KLHL29: variants seen among roughly 807,000 people sequenced by gnomAD.
KLHL29 encodes the protein kelch like family member 29.
Under a neutral mutation model 80.4 loss-of-function variants are expected in KLHL29, and 21 were observed. The observed-to-expected ratio is 0.26, with a 90% CI of 0.19 to 0.38. The LOEUF is 0.38. Among genes scored for constraint, KLHL29 ranks in the 10% least tolerant of loss-of-function variants. KLHL29 has a pLI of 1.00. For synonymous variants in KLHL29, 511 were observed against 526.8 expected (o/e 0.97, Z 0.41); for missense variants, 867 against 1,223.9 (o/e 0.71, Z 4.35).
chr2:23,513,435 G>T (rs138632984), intron 2 of KLHL29, among the ~76,000 whole-genome samples: 1 of 152,144 alleles, frequency 6.6e-6, no homozygotes, highest in Non-Finnish European at 1.5e-5. Context: ...TCTGAGCCAC[G>T]CCCTCTGTCA....
At chr2:23,670,824 GGCAGACCTGGTT>G (rs1490641514) in intron 5 of KLHL29, among the ~76,000 whole-genome samples, 2 of 151,778 alleles carry the variant, frequency 1.3e-5, no homozygotes, top group East Asian at 3.9e-4. Context: ...GAGAACCAGG[GGCAGACCTGGTT>G]CTTCCAGGGT....
At chr2:23,644,470 A>G (rs1458930608) in intron 5 of KLHL29, among the ~76,000 whole-genome samples, 3 of 152,200 alleles carry the variant, frequency 2.0e-5, no homozygotes, top group Non-Finnish European at 4.4e-5. Context: ...GCACGCATCT[A>G]GGAAAAGGAG....
At chr2:23,573,866 A>G (rs1667778330) in intron 3 of KLHL29, among the ~76,000 whole-genome samples, 1 of 152,092 alleles carries the variant, frequency 6.6e-6, no homozygotes, top group Non-Finnish European at 1.5e-5. Context: ...CCCAAGACAT[A>G]GTGCATGGCC....
intron 3 of KLHL29, among the ~76,000 whole-genome samples, chr2:23,581,129 A>G (rs1008070576): frequency 4.6e-5 from 7 of 152,154 alleles, no homozygotes; most frequent in African/African-American, 1.7e-4. Context: ...CCGAGAAAAT[A>G]AGGAGTGTAG....
chr2:23,426,957 A>C (rs1481037339), intron 1 of KLHL29, among the ~76,000 whole-genome samples: 1 of 152,224 alleles, frequency 6.6e-6, no homozygotes, highest in Non-Finnish European at 1.5e-5. Context: ...GCCTTTTCTT[A>C]TTCTAACCAG....
chr2:23,576,304 CAAAAAA>C (rs3086869), intron 3 of KLHL29, among the ~76,000 whole-genome samples: 84,447 of 131,506 alleles, frequency 0.64, 27,482 homozygotes, highest in East Asian at 0.76. Flanking sequence ...GACTCTATCT[CAAAAAA>C]AAAAAAAAAA....
At chr2:23,427,948 G>T (rs1338129534) in intron 1 of KLHL29, among the ~76,000 whole-genome samples, 1 of 152,152 alleles carries the variant, frequency 6.6e-6, no homozygotes, top group African/African-American at 2.4e-5. Context: ...TTATACCTGG[G>T]CGGCTCCCGT....
At position 23,703,791 on chromosome 2, in the gene KLHL29, C is replaced by T; in HGVS notation, c.2372C>T (p.Thr791Ile). The change falls in exon 13 of 14, where the codon ACC (threonine) becomes ATC (isoleucine). Residue 791 changes from threonine (T) to isoleucine (I), a missense_variant. Thr to Ile is a moderately conservative substitution (Grantham distance 89). Coordinates refer to ENST00000486442, the MANE Select transcript of KLHL29 (RefSeq NM_052920.2). ...CTGGGCGGGGCTTATGCCAGAGCTA[C>T]CACCATCTACGACCCTGAGAAAGGA... is the stretch of plus-strand genomic sequence containing the variant. ...FILGGAYARA[T>I]TIYDPEKGNI... 1 of 1,537,450 alleles carries T rather than the reference C, an allele frequency of 6.5e-7. No homozygotes were observed. Among genetic ancestry groups the T allele is most frequent in the South Asian group, 1.2e-5 (1 of 84,068 alleles).
intron 1 of KLHL29, among the ~76,000 whole-genome samples, chr2:23,423,381 C>G (rs897939941): frequency 6.6e-6 from 1 of 152,226 alleles, no homozygotes; most frequent in African/African-American, 2.4e-5. Flanking sequence ...GAAGGGGTCC[C>G]TTCCGCCCTG....
chr2:23,453,690 G>A (rs1023199295), intron 1 of KLHL29, among the ~76,000 whole-genome samples: 13 of 152,140 alleles, frequency 8.5e-5, no homozygotes, highest in African/African-American at 2.4e-4. Flanking sequence ...AGAGAAACAC[G>A]ATTTATTATC....
chr2:23,534,118 G>T (rs756979266), intron 2 of KLHL29, among the ~76,000 whole-genome samples: 1 of 152,066 alleles, frequency 6.6e-6, no homozygotes, highest in Non-Finnish European at 1.5e-5. Context: ...CTGACATCCC[G>T]CTGAGCAGCA....
At chr2:23,422,961 C>A (rs1238321933) in intron 1 of KLHL29, among the ~76,000 whole-genome samples, 2 of 152,240 alleles carry the variant, frequency 1.3e-5, no homozygotes, top group African/African-American at 2.4e-5. Flanking sequence ...TGCCAGCAAG[C>A]CATTTATGCC....
chr2:23,571,756 G>A (rs907512738), intron 3 of KLHL29, among the ~76,000 whole-genome samples: 2 of 152,240 alleles, frequency 1.3e-5, no homozygotes, highest in Non-Finnish European at 2.9e-5. Flanking sequence ...CAGCACATGA[G>A]CAGTGGAGAA....
intron 2 of KLHL29, among the ~76,000 whole-genome samples, chr2:23,561,729 AGT>A (rs1408185067): frequency 1.3e-5 from 2 of 152,094 alleles, no homozygotes; most frequent in East Asian, 3.9e-4. Context: ...CTATAAAGTG[AGT>A]CTGCACACGT....
At chr2:23,663,587 A>G (rs1228225418) in intron 5 of KLHL29, among the ~76,000 whole-genome samples, 9 of 152,202 alleles carry the variant, frequency 5.9e-5, no homozygotes, top group Non-Finnish European at 1.3e-4. Context: ...CTTTAATCTG[A>G]GCCTTCTTTT....
At chr2:23,616,304 C>G (rs1440817104) in intron 3 of KLHL29, among the ~76,000 whole-genome samples, 1 of 152,122 alleles carries the variant, frequency 6.6e-6, no homozygotes, top group Non-Finnish European at 1.5e-5. Flanking sequence ...AGAAAGGCTG[C>G]GGAGGTTGTG....
At chr2:23,595,023 C>T (rs1034061323) in intron 3 of KLHL29, among the ~76,000 whole-genome samples, 6 of 152,238 alleles carry the variant, frequency 3.9e-5, no homozygotes, top group South Asian at 2.1e-4. Flanking sequence ...ATTTAGTATT[C>T]GTGTGCTTTG....
chr2:23,554,442 G>T (rs1667230130), intron 2 of KLHL29, among the ~76,000 whole-genome samples: 1 of 152,200 alleles, frequency 6.6e-6, no homozygotes, highest in African/African-American at 2.4e-5. Flanking sequence ...CGGGTCCCCT[G>T]CCTTCCTGTG....
chr2:23,536,918 ACTCTCTCTCTCCCTCTCTCGCT>A (rs1666683273), intron 2 of KLHL29, among the ~76,000 whole-genome samples: 1 of 140,650 alleles, frequency 7.1e-6, no homozygotes, highest in African/African-American at 2.7e-5. Flanking sequence ...ACACACACAC[ACTCTCTCTCTCCCTCTCTCGCT>A]CTCTCTCTCT....
Sources: gnomAD v4.1 joint callset for allele counts (sites outside exome capture counted in the v4.1 genomes callset) on GRCh38, gnomAD v4.1.1 for gene constraint, MANE v1.5 for transcripts, NCBI Gene and HGNC (gene_info 2026-07-23, HGNC 2026-07-21) for gene names.